NCOA7: variants seen among roughly 807,000 people sequenced by gnomAD.
The protein encoded by NCOA7 is 140 kDa estrogen receptor-associated protein.
In NCOA7, 45 loss-of-function variants were observed where a neutral mutation model predicts 104.3. That is an observed-to-expected ratio of 0.43 (90% confidence interval 0.34 to 0.55). The LOEUF (loss-of-function observed/expected upper bound fraction) is 0.55, where lower values mean the gene tolerates loss of function less well. NCOA7 is among the 20% of genes least tolerant of loss of function. NCOA7 has a pLI of 0.02. For missense variants in NCOA7, 1,041 were observed against 1,119.7 expected (o/e 0.93, Z 1.00); for synonymous variants, 398 against 402.3 (o/e 0.99, Z 0.13).
intron 10 of NCOA7, among the ~76,000 whole-genome samples, chr6:125,895,510 G>C (rs926385410): frequency 6.6e-6 from 1 of 152,180 alleles, no homozygotes; most frequent in Non-Finnish European, 1.5e-5. Context: ...TTAATATCCT[G>C]TGTACATTTT....
intron 2 of NCOA7, among the ~76,000 whole-genome samples, chr6:125,829,297 G>A (rs1224245986): frequency 3.3e-5 from 5 of 152,098 alleles, no homozygotes; most frequent in African/African-American, 1.2e-4. Context: ...AGAGACAGAT[G>A]TACAATGCTA....
intron 3 of NCOA7, among the ~76,000 whole-genome samples, chr6:125,864,434 G>A (rs989589490): frequency 1.5e-5 from 2 of 136,902 alleles, no homozygotes. Flanking sequence ...GAGGGAAAAT[G>A]GATGACCTTT....
At chr6:125,788,523 C>A (rs1223852730), upstream of NCOA7, among the ~76,000 whole-genome samples, 1 of 150,552 alleles carries the variant, frequency 6.6e-6, no homozygotes, top group East Asian at 1.9e-4. Context: ...ACATTCCTTG[C>A]AATATCTTTG....
chr6:125,832,051 G>A (rs991120987), intron 2 of NCOA7, among the ~76,000 whole-genome samples: 9 of 152,262 alleles, frequency 5.9e-5, no homozygotes, highest in East Asian at 1.9e-4. Context: ...GACATGAGCC[G>A]CCACACTGGG....
chr6:125,819,781 G>T (rs1380077547), intron 2 of NCOA7, among the ~76,000 whole-genome samples: 1 of 151,970 alleles, frequency 6.6e-6, no homozygotes, highest in African/African-American at 2.4e-5. Flanking sequence ...CTTTAGTATT[G>T]CCATACAGGG....
intron 11 of NCOA7, among the ~76,000 whole-genome samples, chr6:125,917,906 T>C (rs1787223487): frequency 6.6e-6 from 1 of 152,204 alleles, no homozygotes. Flanking sequence ...ATCTGCACTT[T>C]ACATAAGATG....
intron 2 of NCOA7, among the ~76,000 whole-genome samples, chr6:125,844,696 G>A (rs1780445437): frequency 6.6e-6 from 1 of 152,150 alleles, no homozygotes; most frequent in African/African-American, 2.4e-5. Flanking sequence ...TAAATTCATA[G>A]AGTTAAATAC....
chr6:125,892,597 C>A (rs1784707383), intron 10 of NCOA7, among the ~76,000 whole-genome samples: 1 of 152,098 alleles, frequency 6.6e-6, no homozygotes, highest in Admixed American at 6.6e-5. Context: ...TCGCTTGAAC[C>A]TGGGAGGCAG....
chr6:125,874,508 A>G (rs757326812), intron 3 of NCOA7, among the ~76,000 whole-genome samples: 2 of 152,150 alleles, frequency 1.3e-5, no homozygotes, highest in Non-Finnish European at 2.9e-5. Flanking sequence ...TTCAGAATGA[A>G]CTTTTCTATG....
At chr6:125,781,393 G>A (rs1432324347) in intron 1 of NCOA7, 1 of 150,066 alleles carries the variant, frequency 6.7e-6, no homozygotes, top group African/African-American at 2.5e-5. Flanking sequence ...CTTGAATCTC[G>A]TTTCTTTTTT....
At chr6:125,919,564 A>T in intron 11 of NCOA7, 1 of 859,016 alleles carries the variant, frequency 1.2e-6, no homozygotes, top group Non-Finnish European at 1.8e-6. Context: ...TGTTTTATTC[A>T]TTGCGGAGAG....
intron 10 of NCOA7, among the ~76,000 whole-genome samples, chr6:125,897,933 C>A (rs1227041906): frequency 6.6e-6 from 1 of 152,216 alleles, no homozygotes; most frequent in Non-Finnish European, 1.5e-5. Flanking sequence ...CCTGCCTCGG[C>A]CTCCCGAAGT....
At chr6:125,860,410 C>T (rs1325594838) in intron 3 of NCOA7, among the ~76,000 whole-genome samples, 1 of 152,168 alleles carries the variant, frequency 6.6e-6, no homozygotes, top group East Asian at 1.9e-4. Flanking sequence ...CACAGTGGTG[C>T]AATCTCGACT....
intron 3 of NCOA7, among the ~76,000 whole-genome samples, chr6:125,855,887 G>A (rs1781511505): frequency 1.3e-5 from 2 of 152,196 alleles, no homozygotes; most frequent in South Asian, 2.1e-4. Flanking sequence ...GTTTCACCAT[G>A]TTGAGCAGGC....
chr6:125,821,280 C>T (rs1007901838), intron 2 of NCOA7, among the ~76,000 whole-genome samples: 2 of 152,178 alleles, frequency 1.3e-5, no homozygotes, highest in African/African-American at 4.8e-5. Context: ...AAGTTCATCC[C>T]TAAATATAAT....
intron 1 of NCOA7, among the ~76,000 whole-genome samples, chr6:125,805,753 C>T (rs1776390250): frequency 6.6e-6 from 1 of 152,120 alleles, no homozygotes; most frequent in African/African-American, 2.4e-5. Context: ...ACTAGGTCTG[C>T]CTGGCTTGTT....
chr6:125,852,701 G>A (rs542299405), intron 2 of NCOA7, among the ~76,000 whole-genome samples: 2 of 152,124 alleles, frequency 1.3e-5, no homozygotes, highest in African/African-American at 2.4e-5. Context: ...ATGCTCTGTC[G>A]AAGATCAGTT....
intron 2 of NCOA7, among the ~76,000 whole-genome samples, chr6:125,844,199 AG>A (rs1457504136): frequency 6.6e-6 from 1 of 152,192 alleles, no homozygotes. Context: ...CTTTGAGGCT[AG>A]GGGAAATGCT....
chr6:125,789,635 T>C (rs1774648281), upstream of NCOA7, among the ~76,000 whole-genome samples: 1 of 152,130 alleles, frequency 6.6e-6, no homozygotes, highest in Non-Finnish European at 1.5e-5. Flanking sequence ...CCCAAAGATA[T>C]AAACCTGACG....
Sources: gnomAD v4.1 joint callset for allele counts (sites outside exome capture counted in the v4.1 genomes callset) on GRCh38, gnomAD v4.1.1 for gene constraint, MANE v1.5 for transcripts, NCBI Gene and HGNC (gene_info 2026-07-23, HGNC 2026-07-21) for gene names.